The following CDC7 variants were observed in gnomAD, a reference collection of about 807,000 sequenced individuals.
The protein encoded by CDC7 is cell division cycle 7.
In CDC7, 34 loss-of-function variants were observed where a neutral mutation model predicts 53.5. That is an observed-to-expected ratio of 0.64 (90% CI 0.48 to 0.85). The LOEUF (loss-of-function observed/expected upper bound fraction) is 0.85, where lower values mean the gene tolerates loss of function less well. Among genes scored for constraint, CDC7 ranks in the 40% least tolerant of loss-of-function variants. The pLI is 0.00. For synonymous variants in CDC7, 211 were observed against 222.8 expected, an observed-to-expected ratio of 0.95 and a Z score of 0.47; for missense variants, 594 against 679.7, an observed-to-expected ratio of 0.87 and a Z score of 1.40.
chr1:91,512,782 G>A (rs975440867), intron 6 of CDC7, among the ~76,000 whole-genome samples: 1 of 152,148 alleles, frequency 6.6e-6, no homozygotes, highest in Admixed American at 6.5e-5. Flanking sequence ...AACGGACTGT[G>A]TTTATGTTAT....
chr1:91,517,209 A>G (rs1667605355), intron 10 of CDC7, among the ~76,000 whole-genome samples: 1 of 152,224 alleles, frequency 6.6e-6, no homozygotes, highest in Admixed American at 6.5e-5. Flanking sequence ...AAGTGAAAAA[A>G]GTGACAATGG....
intron 4 of CDC7, among the ~76,000 whole-genome samples, chr1:91,509,703 TG>T (rs912009335): frequency 2.0e-5 from 3 of 152,200 alleles, no homozygotes; most frequent in Non-Finnish European, 4.4e-5. Flanking sequence ...TAACTTAAAT[TG>T]GGTCATTAGT....
chr1:91,506,179 T>C (rs1666977977), intron 2 of CDC7, among the ~76,000 whole-genome samples: 1 of 151,940 alleles, frequency 6.6e-6, no homozygotes. Context: ...TAATTTTTGT[T>C]TGTTTGTTTG....
rs770145582 is a variant in CDC7 at position 91,511,832 on chromosome 1, C to G, written c.481C>G (p.Leu161Val). 6.8e-6 allele frequency: 11 copies of G among 1,605,866 alleles called. No individual in the cohort carries two copies. The highest frequency in any genetic ancestry group is 8.5e-6 in the Non-Finnish European group (10 of 1,173,692). ...AGAAGTACGGGAATATATGCTTAAT[C>G]TGTTCAAAGCTTTGAAACGCATTCA... The part of the protein sequence containing the change: ...FQEVREYMLN[L>V]FKALKRIHQF... The change falls in exon 6 of 12, where the codon CTG (leucine) becomes GTG (valine). Residue 161 changes from leucine (L) to valine (V), a missense_variant. Physicochemically the swap from Leu to Val is conservative, Grantham distance 32 (BLOSUM62 1). Coordinates refer to ENST00000234626, the MANE Select transcript of CDC7 (RefSeq NM_003503.4).
chr1:91,513,993 A>G lies in CDC7; in HGVS notation c.868A>G (p.Arg290Gly). The G allele has an allele frequency of 6.2e-7, 1 of 1,612,630 alleles. No homozygotes were observed. Among genetic ancestry groups the G allele is most frequent in the South Asian group, 1.1e-5 (1 of 91,058 alleles). Reference sequence around the variant, plus strand: ...TGTCCAGCGCTCTGTTTTTGGAGAAAGAAATTTCAATATACACAGCTCCAT... The same window carrying G: ...TGTCCAGCGCTCTGTTTTTGGAGAAGGAAATTTCAATATACACAGCTCCAT... The part of the protein sequence containing the change: ...LSVQRSVFGE[R>G]NFNIHSSISH... Residue 290 changes from arginine (R) to glycine (G), a missense_variant, in exon 8 of 12, where the codon AGA (arginine) becomes GGA (glycine). By Grantham distance (125) the Arg-to-Gly change is moderately radical. Coordinates refer to ENST00000234626, the MANE Select transcript of CDC7 (RefSeq NM_003503.4).
chr1:91,524,393 A>G lies in CDC7; in HGVS notation c.1683A>G (p.Glu561=), dbSNP rs561497242. 6.2e-7 allele frequency: 1 copy of G among 1,612,098 alleles called. No individual in the cohort carries two copies. Among genetic ancestry groups the G allele is most frequent in the Non-Finnish European group, 8.5e-7 (1 of 1,179,746 alleles). Residue 561 remains glutamate, a synonymous_variant, in exon 12 of 12, where the codon GAA becomes GAG. Coordinates refer to ENST00000234626, the MANE Select transcript of CDC7 (RefSeq NM_003503.4). The part of the protein sequence containing the change: ...DLNPASRITA[E]EALLHPFFKD... ...ATCCAGCTTCAAGAATAACAGCAGA[A>G]GAAGCTTTGTTGCATCCATTTTTTA...
At chr1:91,511,024 C>CTTA (rs755745051) in intron 4 of CDC7, among the ~76,000 whole-genome samples, 17 of 152,092 alleles carry the variant, frequency 1.1e-4, no homozygotes, top group Non-Finnish European at 2.2e-4. Context: ...TCACTTAAGG[C>CTTA]TTAGTCCCTT....
chr1:91,517,431 G>T (rs1272697594), intron 10 of CDC7, among the ~76,000 whole-genome samples: 3 of 152,144 alleles, frequency 2.0e-5, no homozygotes, highest in Non-Finnish European at 4.4e-5. Context: ...AGGCATTCAG[G>T]ATGTTTACCA....
chr1:91,521,384 C>G (rs13447544), intron 11 of CDC7, among the ~76,000 whole-genome samples: 8 of 152,300 alleles, frequency 5.3e-5, no homozygotes, highest in African/African-American at 1.9e-4. Context: ...GTGCTATAGT[C>G]TAATCTACAA....
Position 91,515,851 on chromosome 1 carries a change from G to A in CDC7, c.1155G>A (p.Leu385=). ...CAGGATTCAGAGCACCAGAGGTCTT[G>A]ACAAAGTGCCCCAATCAAACTACAG... The part of the protein sequence containing the change: ...GTPGFRAPEV[L]TKCPNQTTAI... The change falls in exon 10 of 12, where the codon TTG becomes TTA. Residue 385 remains leucine (L), a synonymous_variant. Transcript: ENST00000234626. 6.2e-7 allele frequency: 1 copy of A among 1,613,748 alleles called. No individual in the cohort carries two copies. The highest frequency in any genetic ancestry group is 2.2e-5 in the East Asian group (1 of 44,808).
chr1:91,518,494 C>T (rs181314198), intron 10 of CDC7, among the ~76,000 whole-genome samples: 14 of 152,160 alleles, frequency 9.2e-5, no homozygotes, highest in East Asian at 3.9e-4. Flanking sequence ...CCTAAGTGTC[C>T]GTCAACAGAT....
rs1487164976 is a variant in CDC7, at chr1:91,513,092, A to C, written c.607A>C (p.Thr203Pro). The C allele has an allele frequency of 1.2e-6, 2 of 1,613,584 alleles. No individual in the cohort carries two copies. The highest frequency in any genetic ancestry group is 1.7e-6 in the Non-Finnish European group (2 of 1,179,636). The change falls in exon 7 of 12, where the codon ACC becomes CCC. Residue 203 changes from threonine (T) to proline (P), a missense_variant. By Grantham distance (38) the Thr-to-Pro change is conservative. Transcript: ENST00000234626. ...ALVDFGLAQG[T>P]HDTKIELLKF... ...GGTAGACTTTGGTTTGGCCCAAGGA[A>C]CCCATGATACGAAAATAGAGCTTCT...
At chr1:91,512,529 G>A (rs1340027858) in intron 6 of CDC7, among the ~76,000 whole-genome samples, 2 of 151,908 alleles carry the variant, frequency 1.3e-5, no homozygotes, top group Non-Finnish European at 2.9e-5. Flanking sequence ...TTATTTTTAT[G>A]TATACTTTTT....
In CDC7 at chr1:91,525,751, T is replaced by G. The variant is rs1051270886; in HGVS notation, c.*1316T>G. On this transcript the variant is annotated 3_prime_UTR_variant, in exon 12 of 12. Coordinates refer to ENST00000234626, the MANE Select transcript of CDC7 (RefSeq NM_003503.4). ...ATTTGTATATTCAATAAAGTTATCC[T>G]TTTATATTTTTTATGTCAGACTACT... 6.6e-6 allele frequency: 1 copy of G among 151,994 alleles called. No individual in the cohort carries two copies. Among genetic ancestry groups the G allele is most frequent in the Admixed American group, 6.6e-5 (1 of 15,256 alleles). 9.4% of individuals were successfully genotyped at this position (151,994 alleles called of 1,614,324 possible). A position where few individuals can be genotyped will look rare whatever the true frequency, so the allele number is the denominator to read the frequency against.
Position 91,524,265 on chromosome 1 carries a change from A to G in CDC7, c.1555A>G (p.Asn519Asp), listed in dbSNP as rs781427222. 1.7e-5 allele frequency: 28 copies of G among 1,613,978 alleles called. No homozygotes were observed. The Admixed American group carries it at 4.2e-4, about 24-fold the overall frequency. ...SGNSFKKGDS[N>D]SCEHCFDEYN... The stretch of plus-strand genomic sequence containing the variant: ...GAATTCATTTAAAAAGGGGGATAGT[A>G]ATAGCTGTGAGCATTGTTTTGATGA... The change falls in exon 12 of 12, where the codon AAT (asparagine) becomes GAT (aspartate). Residue 519 changes from asparagine (N) to aspartate (D), a missense_variant. Coordinates refer to ENST00000234626, the MANE Select transcript of CDC7 (RefSeq NM_003503.4).
intron 2 of CDC7, among the ~76,000 whole-genome samples, chr1:91,502,451 T>C (rs1666741719): frequency 6.6e-6 from 1 of 152,222 alleles, no homozygotes; most frequent in Non-Finnish European, 1.5e-5. Context: ...GACTGTATTT[T>C]TTTTTTTCTG....
chr1:91,519,367 T>G (rs546671303), intron 10 of CDC7, among the ~76,000 whole-genome samples: 1 of 151,922 alleles, frequency 6.6e-6, no homozygotes, highest in East Asian at 1.9e-4. Flanking sequence ...AGGCAGAGAT[T>G]GCAGTGAGCT....
chr1:91,501,680 C>T lies in CDC7; in HGVS notation c.-37C>T. The T allele has an allele frequency of 6.9e-7, 1 of 1,457,914 alleles. No individual in the cohort carries two copies. Among genetic ancestry groups the T allele is most frequent in the East Asian group, 2.3e-5 (1 of 44,132 alleles). The allele number at this position is 1,457,914 out of a possible 1,614,324, so 90.3% of individuals were successfully genotyped here. A position where few individuals can be genotyped will look rare whatever the true frequency, so the allele number is the denominator to read the frequency against. ...TGCTTTGCTCCCCCTGTGGATGTAA[C>T]CCCTTAGCTGGCATTTTGCATCTCA... is the stretch of plus-strand genomic sequence containing the variant. On this transcript the variant is annotated 5_prime_UTR_variant, in exon 2 of 12. Coordinates refer to ENST00000234626, the MANE Select transcript of CDC7 (RefSeq NM_003503.4).
At chr1:91,510,628 C>T (rs1166798871) in intron 4 of CDC7, among the ~76,000 whole-genome samples, 1 of 152,114 alleles carries the variant, frequency 6.6e-6, no homozygotes, top group Admixed American at 6.6e-5. Context: ...TAACTGTCTC[C>T]CTCTACCACT....
Sources: allele counts gnomAD v4.1 joint callset (sites outside exome capture counted in the v4.1 genomes callset), GRCh38; gene constraint gnomAD v4.1.1; transcripts MANE v1.5; gene names NCBI Gene and HGNC (gene_info 2026-07-23, HGNC 2026-07-21).